The following GRIP1 variants were observed in gnomAD, a reference collection of about 807,000 sequenced individuals.
The protein encoded by GRIP1 is glutamate receptor interacting protein 1.
In GRIP1, 45 loss-of-function variants were observed where a neutral mutation model predicts 129.9. The ratio of observed to expected loss-of-function variants is 0.35; its 90% CI spans 0.27 to 0.44. The LOEUF is 0.44. Among genes scored for constraint, GRIP1 ranks in the 20% least tolerant of loss-of-function variants. The pLI is 1.00. For missense variants in GRIP1, 1,196 were observed against 1,396.8 expected (o/e 0.86, Z 2.29); for synonymous variants, 530 against 520.8 (o/e 1.02, Z -0.24).
chr12:66,726,679 G>A (rs2036264211), intron 1 of GRIP1, among the ~76,000 whole-genome samples: 1 of 152,172 alleles, frequency 6.6e-6, no homozygotes, highest in African/African-American at 2.4e-5. Flanking sequence ...TATGTCCACA[G>A]AGGCCCCAAA....
chr12:66,950,808 G>T (rs1185140976), intron 1 of GRIP1, among the ~76,000 whole-genome samples: 1 of 151,996 alleles, frequency 6.6e-6, no homozygotes, highest in Non-Finnish European at 1.5e-5. Context: ...AAAGTACATG[G>T]TCATTCATTT....
upstream of GRIP1, among the ~76,000 whole-genome samples, chr12:66,805,368 C>T (rs1295286692): frequency 6.6e-6 from 1 of 151,352 alleles, no homozygotes; most frequent in Non-Finnish European, 1.5e-5. Flanking sequence ...GAGAGGTCAG[C>T]ATTAATCATG....
chr12:66,444,825 A>G, intron 12 of GRIP1, 96 bp from the exon 13 acceptor site: 2 of 1,321,650 alleles, frequency 1.5e-6, no homozygotes, highest in Non-Finnish European at 2.2e-6. Context: ...GCAAAATAGC[A>G]TCATAATTTG....
chr12:66,831,573 C>A (rs1405076495), intron 1 of GRIP1, among the ~76,000 whole-genome samples: 2 of 152,140 alleles, frequency 1.3e-5, no homozygotes, highest in Non-Finnish European at 2.9e-5. Context: ...CACTTCAAAG[C>A]CGGTATTTCA....
At position 66,536,794 on chromosome 12, in the gene GRIP1, A is replaced by G. The variant is rs546398715; in HGVS notation, c.418+2284T>C. ...CTCTACTCATGTTCCCCAAGCTCCT[A>G]GTACATAGTGGTGGCTGGAACATAG... On this transcript the variant is annotated intron_variant, in intron 4 of 24. Coordinates refer to ENST00000359742, the MANE Select transcript of GRIP1 (RefSeq NM_001366722.1). Among the ~76,000 whole-genome samples the G allele has an allele frequency of 2.2e-4, 34 of 152,338 alleles. 1 individual carries two copies. The highest frequency in any genetic ancestry group is 8.2e-4 in the African/African-American group (34 of 41,586).
chr12:66,881,690 G>C (rs1428278636), intron 1 of GRIP1, among the ~76,000 whole-genome samples: 1 of 152,116 alleles, frequency 6.6e-6, no homozygotes, highest in Non-Finnish European at 1.5e-5. Context: ...AGGCTGAGTA[G>C]CTTGAAAATT....
intron 1 of GRIP1, among the ~76,000 whole-genome samples, chr12:66,648,327 T>C (rs1020687374): frequency 1.3e-5 from 2 of 152,244 alleles, no homozygotes; most frequent in Non-Finnish European, 2.9e-5. Flanking sequence ...CCTCATCCTT[T>C]AGTGCTTTGC....
chr12:66,674,843 AAG>A (rs2034249415), intron 1 of GRIP1, among the ~76,000 whole-genome samples: 1 of 152,178 alleles, frequency 6.6e-6, no homozygotes, highest in Non-Finnish European at 1.5e-5. Flanking sequence ...GACAGCAGAA[AAG>A]GAGAAAAGAT....
intron 1 of GRIP1, among the ~76,000 whole-genome samples, chr12:66,707,214 T>TTAGA (rs2035560467): frequency 6.6e-6 from 1 of 151,876 alleles, no homozygotes; most frequent in African/African-American, 2.4e-5. Flanking sequence ...CCACATGCTC[T>TTAGA]TAGAGACTTC....
At chr12:66,544,158 C>T (rs1340678305) in intron 2 of GRIP1, among the ~76,000 whole-genome samples, 4 of 152,138 alleles carry the variant, frequency 2.6e-5, no homozygotes, top group African/African-American at 7.2e-5. Flanking sequence ...ATAAATTCAT[C>T]GATCTGGCTA....
In GRIP1 at chr12:66,436,973, C is replaced by G. The variant is rs545621115; in HGVS notation, c.1688-4345G>C. Among the ~76,000 whole-genome samples the G allele has an allele frequency of 8.3e-3, 381 of 45,890 alleles. 1 individual carries two copies. The highest frequency in any genetic ancestry group is 0.028 in the African/African-American group (361 of 12,978). 30.1% of individuals were successfully genotyped at this position (45,890 alleles called of 152,430 possible). A position where few individuals can be genotyped will look rare whatever the true frequency, so the allele number is the denominator to read the frequency against. ...TGGGTAACAGAGCAAGACTCTGTCT[C>G]CAAAAAAAAAAAAAAAAAAAAAAGG... On this transcript the variant is annotated intron_variant, in intron 13 of 24. Transcript: ENST00000359742.
intron 1 of GRIP1, among the ~76,000 whole-genome samples, chr12:67,029,550 G>C (rs889659621): frequency 1.8e-4 from 24 of 132,036 alleles, no homozygotes; most frequent in Non-Finnish European, 3.2e-4. Flanking sequence ...TTGCCCTCTA[G>C]CCTAGGCAAC....
At chr12:66,381,701 T>C in intron 19 of GRIP1, among the ~76,000 whole-genome samples, 1 of 152,148 alleles carries the variant, frequency 6.6e-6, no homozygotes, top group East Asian at 1.9e-4. Flanking sequence ...TAGGCAAGAG[T>C]GCAAGAATGG....
chr12:66,979,254 A>AAAAACAC (rs2042208171), intron 1 of GRIP1, among the ~76,000 whole-genome samples: 1 of 141,270 alleles, frequency 7.1e-6, no homozygotes, highest in Non-Finnish European at 1.5e-5. Flanking sequence ...AAAAAAAAAA[A>AAAAACAC]CAAGCCCGTC....
Position 66,432,607 on chromosome 12 carries a change from C to T in GRIP1, c.1709G>A (p.Gly570Glu). The T allele has an allele frequency of 6.2e-7, 1 of 1,601,314 alleles. No individual in the cohort carries two copies. The highest frequency in any genetic ancestry group is 8.6e-7 in the Non-Finnish European group (1 of 1,169,236). ...DVAESVIPSSGTFHVKLPKKH... is the reference protein window; with the variant it reads ...DVAESVIPSSETFHVKLPKKH... ...CTTAGGCAGCTTTACATGAAATGTT[C>T]CACTACTTGGGATGACAGACTCTAA... The change falls in exon 14 of 25, where the codon GGA becomes GAA. Residue 570 changes from glycine to glutamate, a missense_variant. Transcript: ENST00000359742.
At chr12:66,723,332 A>ATTTT (rs2036153490) in intron 1 of GRIP1, among the ~76,000 whole-genome samples, 35 of 66,194 alleles carry the variant, frequency 5.3e-4, no homozygotes, top group African/African-American at 2.1e-3. Context: ...TTTTTTTTTG[A>ATTTT]GACAGAGTCT....
At chr12:66,448,269 T>C (rs540000292) in intron 11 of GRIP1, among the ~76,000 whole-genome samples, 3 of 152,222 alleles carry the variant, frequency 2.0e-5, no homozygotes, top group African/African-American at 7.2e-5. Flanking sequence ...TTTATTGCCC[T>C]CTGGGCTTAA....
At chr12:66,500,769 T>G (rs954770716) in intron 7 of GRIP1, among the ~76,000 whole-genome samples, 3 of 152,206 alleles carry the variant, frequency 2.0e-5, no homozygotes, top group African/African-American at 7.2e-5. Flanking sequence ...AGAGATCAGG[T>G]GAAAGCTTGC....
chr12:66,888,148 G>C (rs1461354455), intron 1 of GRIP1, among the ~76,000 whole-genome samples: 4 of 151,768 alleles, frequency 2.6e-5, no homozygotes, highest in Admixed American at 1.3e-4. Context: ...ACCTCGACCT[G>C]GGGCTCAAGT....
Sources: allele counts gnomAD v4.1 joint callset (sites outside exome capture counted in the v4.1 genomes callset), GRCh38; gene constraint gnomAD v4.1.1; transcripts MANE v1.5; gene names NCBI Gene and HGNC (gene_info 2026-07-23, HGNC 2026-07-21).